FGF12: variants seen among roughly 807,000 people sequenced by gnomAD.
FGF12 encodes fibroblast growth factor 12B.
Under a neutral mutation model 23.6 loss-of-function variants are expected in FGF12, and 14 were observed. The ratio of observed to expected loss-of-function variants is 0.59; its 90% CI spans 0.39 to 0.93. The LOEUF (loss-of-function observed/expected upper bound fraction) is 0.93, where lower values mean the gene tolerates loss of function less well. Among genes scored for constraint, FGF12 ranks in the 40% least tolerant of loss-of-function variants. The probability of loss-of-function intolerance (pLI) is 0.00; values close to 1 mark genes in which losing one functional copy is unlikely to be tolerated. For synonymous variants in FGF12, 62 were observed against 77.3 expected (o/e 0.80, Z 1.04); for missense variants, 175 against 217.8 (o/e 0.80, Z 1.24).
At chr3:192,515,070 G>T (rs1208285001) in intron 2 of FGF12, 1 of 155,194 alleles carries the variant, frequency 6.4e-6, no homozygotes, top group South Asian at 2.1e-4. Context: ...ACGTCACTGC[G>T]GGTCGGTGCT....
intron 2 of FGF12, among the ~76,000 whole-genome samples, chr3:192,580,673 T>C (rs1021010587): frequency 3.3e-5 from 5 of 152,188 alleles, no homozygotes; most frequent in African/African-American, 1.2e-4. Context: ...AGTGGCCCGA[T>C]CTCAGCTCTC....
At chr3:192,532,973 T>C (rs35652132) in intron 2 of FGF12, among the ~76,000 whole-genome samples, 15,021 of 152,092 alleles carry the variant, frequency 0.099, 765 homozygotes, top group African/African-American at 0.13. Flanking sequence ...CTACACACCA[T>C]CACAAGAAAA....
At chr3:192,295,162 A>G (rs1288845575) in intron 4 of FGF12, among the ~76,000 whole-genome samples, 1 of 152,204 alleles carries the variant, frequency 6.6e-6, no homozygotes, top group Non-Finnish European at 1.5e-5. Context: ...CTGGCTTACA[A>G]AAGCCGACCT....
intron 2 of FGF12, among the ~76,000 whole-genome samples, chr3:192,607,846 TAAAAAAA>T (rs36061162): frequency 9.8e-5 from 12 of 122,080 alleles, no homozygotes; most frequent in African/African-American, 3.5e-4. Context: ...CACTGAAAAT[TAAAAAAA>T]AAAAAAAAAA....
chr3:192,239,120 T>G (rs761298898), intron 4 of FGF12, among the ~76,000 whole-genome samples: 11 of 152,176 alleles, frequency 7.2e-5, no homozygotes, highest in Non-Finnish European at 1.5e-4. Context: ...CATGTAGAAG[T>G]GTACATGGCC....
At chr3:192,583,144 T>C (rs888491330) in intron 2 of FGF12, among the ~76,000 whole-genome samples, 9 of 152,182 alleles carry the variant, frequency 5.9e-5, no homozygotes, top group Non-Finnish European at 1.0e-4. Flanking sequence ...CTAAATGATA[T>C]CCAGTTTGCT....
intron 2 of FGF12, among the ~76,000 whole-genome samples, chr3:192,365,205 T>C (rs1718920784): frequency 1.3e-5 from 2 of 151,794 alleles, no homozygotes; most frequent in East Asian, 1.9e-4. Context: ...AAATATCACT[T>C]GTACCCTACA....
chr3:192,587,016 T>C (rs1287012260), intron 2 of FGF12, among the ~76,000 whole-genome samples: 1 of 152,184 alleles, frequency 6.6e-6, no homozygotes, highest in East Asian at 1.9e-4. Context: ...TTTTTTGGAA[T>C]CACTGACCCC....
intron 2 of FGF12, among the ~76,000 whole-genome samples, chr3:192,665,341 G>A (rs1344407065): frequency 1.3e-5 from 2 of 152,094 alleles, no homozygotes; most frequent in Admixed American, 1.3e-4. Flanking sequence ...CGAAGCGAGA[G>A]AACAGATTGC....
chr3:192,359,161 T>C (rs1050750561), intron 3 of FGF12, among the ~76,000 whole-genome samples: 1 of 152,128 alleles, frequency 6.6e-6, no homozygotes, highest in Non-Finnish European at 1.5e-5. Context: ...ATCAACAACT[T>C]AGCAAAAAAT....
intron 4 of FGF12, among the ~76,000 whole-genome samples, chr3:192,252,355 G>A (rs771138710): frequency 6.7e-6 from 1 of 149,484 alleles, no homozygotes; most frequent in African/African-American, 2.5e-5. Context: ...CCCAGCTACT[G>A]GGGAGGTTGA....
intron 4 of FGF12, among the ~76,000 whole-genome samples, chr3:192,272,006 C>A (rs1213344945): frequency 1.3e-5 from 2 of 152,100 alleles, no homozygotes; most frequent in East Asian, 3.9e-4. Flanking sequence ...TTATCCAGTT[C>A]TAGGGTTTTC....
chr3:192,669,819 C>A (rs900783397), intron 2 of FGF12, among the ~76,000 whole-genome samples: 2 of 151,848 alleles, frequency 1.3e-5, no homozygotes, highest in African/African-American at 2.4e-5. Flanking sequence ...TGTCAACATA[C>A]GAAAGAGCTG....
At chr3:192,655,009 T>C (rs1577101722) in intron 2 of FGF12, among the ~76,000 whole-genome samples, 1 of 152,204 alleles carries the variant, frequency 6.6e-6, no homozygotes, top group African/African-American at 2.4e-5. Flanking sequence ...TCCAATTCTG[T>C]ATTTGAGCAC....
Position 192,719,101 on chromosome 3 carries a change from A to G in FGF12, c.13+8080T>C, listed in dbSNP as rs150514058. 3.5e-3 allele frequency among the ~76,000 whole-genome samples: 538 copies of G among 152,344 alleles called. 3 individuals carry two copies. Among genetic ancestry groups the G allele is most frequent in the African/African-American group, 0.012 (516 of 41,578 alleles). Reference sequence around the variant, plus strand: ...TTAATAGATTAGATTAGAATAATCTAAGTAGTCTGTTAGATTAATACATTA... The same window carrying G: ...TTAATAGATTAGATTAGAATAATCTGAGTAGTCTGTTAGATTAATACATTA... On this transcript the variant is annotated intron_variant, in intron 2 of 5. Transcript: ENST00000445105.
intron 2 of FGF12, among the ~76,000 whole-genome samples, chr3:192,500,870 G>A (rs1379958584): frequency 6.6e-6 from 1 of 152,148 alleles, no homozygotes; most frequent in African/African-American, 2.4e-5. Context: ...GCACTGAGGG[G>A]TTAAAGAACA....
At chr3:192,207,806 G>T (rs1274649612) in intron 4 of FGF12, among the ~76,000 whole-genome samples, 1 of 152,074 alleles carries the variant, frequency 6.6e-6, no homozygotes, top group Admixed American at 6.6e-5. Context: ...AGAGTTGAGA[G>T]AAACTGGTGT....
chr3:192,599,677 A>T (rs1714026911), intron 2 of FGF12, among the ~76,000 whole-genome samples: 1 of 152,130 alleles, frequency 6.6e-6, no homozygotes. Context: ...GACTTTTCTG[A>T]GACAATCATA....
intron 4 of FGF12, among the ~76,000 whole-genome samples, chr3:192,260,687 A>T (rs1304501639): frequency 2.0e-5 from 3 of 152,106 alleles, no homozygotes; most frequent in Admixed American, 2.0e-4. Context: ...CTCCAGAGAA[A>T]GTTATTGCTG....
Sources: gnomAD v4.1 joint callset for allele counts (sites outside exome capture counted in the v4.1 genomes callset) on GRCh38, gnomAD v4.1.1 for gene constraint, MANE v1.5 for transcripts, NCBI Gene and HGNC (gene_info 2026-07-23, HGNC 2026-07-21) for gene names.